PCDH15: variants seen among roughly 807,000 people sequenced by gnomAD.
The protein encoded by PCDH15 is protocadherin related 15.
Under a neutral mutation model 178.5 loss-of-function variants are expected in PCDH15, and 129 were observed. The observed-to-expected ratio is 0.72, with a 90% CI of 0.63 to 0.84. PCDH15 has a LOEUF of 0.84. Ranked by LOEUF, PCDH15 falls within the 40% of genes least tolerant of loss-of-function variation. PCDH15 has a pLI of 0.00. For synonymous variants in PCDH15, 800 were observed against 732.0 expected (o/e 1.09, Z -1.50); for missense variants, 2,230 against 2,099.9 (o/e 1.06, Z -1.21).
At chr10:53,932,839 G>A (rs1390431716) in intron 25 of PCDH15, among the ~76,000 whole-genome samples, 5 of 152,076 alleles carry the variant, frequency 3.3e-5, no homozygotes, top group Non-Finnish European at 5.9e-5. Context: ...TAATCCAATC[G>A]GGTGCTGCAG....
At chr10:55,561,009 AATAATTC>A (rs1209247634) in intron 2 of PCDH15, among the ~76,000 whole-genome samples, 1 of 151,902 alleles carries the variant, frequency 6.6e-6, no homozygotes, top group Non-Finnish European at 1.5e-5. Context: ...AAACAAATTC[AATAATTC>A]ATTTAAGATA....
chr10:54,149,028 T>C (rs1292648622), intron 14 of PCDH15, among the ~76,000 whole-genome samples: 1 of 151,978 alleles, frequency 6.6e-6, no homozygotes, highest in Non-Finnish European at 1.5e-5. Context: ...AATCAGTTTA[T>C]GCCCCAGTAA....
chr10:54,200,269 C>CTT (rs11377394), intron 10 of PCDH15, among the ~76,000 whole-genome samples: 7,818 of 105,970 alleles, frequency 0.074, 696 homozygotes, highest in Admixed American at 0.11. Flanking sequence ...ACAGAGCCCA[C>CTT]TTTTTTTTTT....
intron 2 of PCDH15, among the ~76,000 whole-genome samples, chr10:55,019,478 C>T (rs547617027): frequency 1.8e-4 from 27 of 151,368 alleles, no homozygotes; most frequent in African/African-American, 6.1e-4. Flanking sequence ...TTTTCAAGTT[C>T]GTTTTCATAG....
chr10:55,362,172 T>A (rs958635107), intron 2 of PCDH15, among the ~76,000 whole-genome samples: 1 of 152,060 alleles, frequency 6.6e-6, no homozygotes, highest in African/African-American at 2.4e-5. Flanking sequence ...GAGAAAAAAA[T>A]GTCTGAGATT....
At chr10:54,842,877 G>T (rs1953443015) in intron 3 of PCDH15, among the ~76,000 whole-genome samples, 1 of 151,848 alleles carries the variant, frequency 6.6e-6, no homozygotes, top group Non-Finnish European at 1.5e-5. Flanking sequence ...AGGGTAAATA[G>T]GTTTGCTGTT....
In PCDH15 at chr10:54,336,598, G is replaced by A. The variant is rs4454622; in HGVS notation, c.595-6892C>T. Among the ~76,000 whole-genome samples the A allele has an allele frequency of 8.0e-3, 1,216 of 152,312 alleles. 13 individuals carry two copies. The highest frequency in any genetic ancestry group is 0.026 in the African/African-American group (1,067 of 41,574). On this transcript the variant is annotated intron_variant, in intron 6 of 37. Transcript: ENST00000644397. Reference sequence around the variant, plus strand: ...CACATGGTGTGGAGCCTATGGGTCCGCAGAAGTCAAGAACTGAGGTTTGGG... The same window carrying A: ...CACATGGTGTGGAGCCTATGGGTCCACAGAAGTCAAGAACTGAGGTTTGGG...
chr10:54,571,333 G>GAAAAAAAAAAAAAA (rs60604711), intron 2 of PCDH15, among the ~76,000 whole-genome samples: 2 of 128,574 alleles, frequency 1.6e-5, no homozygotes, highest in East Asian at 2.3e-4. Context: ...GACAAAATTT[G>GAAAAAAAAAAAAAA]AAAAAAAAAA....
At chr10:55,413,353 CATATTTTAA>C (rs1281614576) in intron 2 of PCDH15, among the ~76,000 whole-genome samples, 2 of 147,672 alleles carry the variant, frequency 1.4e-5, no homozygotes, top group South Asian at 4.2e-4. Flanking sequence ...AAATATTTAG[CATATTTTAA>C]ATATTTTAAA....
chr10:55,325,930 A>G (rs1844018680), intron 2 of PCDH15, among the ~76,000 whole-genome samples: 1 of 152,180 alleles, frequency 6.6e-6, no homozygotes. Context: ...GGCCAAAGGC[A>G]TGAAGAGACA....
chr10:53,850,114 T>G (rs2078261511), intron 28 of PCDH15, among the ~76,000 whole-genome samples: 1 of 151,948 alleles, frequency 6.6e-6, no homozygotes, highest in African/African-American at 2.4e-5. Flanking sequence ...ACCTTTTAAC[T>G]CTCAAAAATA....
intron 9 of PCDH15, among the ~76,000 whole-genome samples, chr10:54,229,126 C>A (rs1026726379): frequency 1.1e-4 from 17 of 152,038 alleles, no homozygotes; most frequent in Non-Finnish European, 2.5e-4. Context: ...AAGTGAACAC[C>A]AACAGAGATG....
At chr10:54,787,013 A>G (rs1249805434) in intron 1 of PCDH15, among the ~76,000 whole-genome samples, 1 of 151,826 alleles carries the variant, frequency 6.6e-6, no homozygotes, top group East Asian at 1.9e-4. Context: ...TCTAACCTAG[A>G]AGATTATCCT....
intron 2 of PCDH15, among the ~76,000 whole-genome samples, chr10:55,565,250 A>G (rs1050645997): frequency 6.6e-6 from 1 of 151,754 alleles, no homozygotes; most frequent in Non-Finnish European, 1.5e-5. Context: ...TAAATTACCA[A>G]TTGATCAAAG....
intron 3 of PCDH15, among the ~76,000 whole-genome samples, chr10:54,418,117 C>T (rs1954723779): frequency 6.6e-6 from 1 of 152,090 alleles, no homozygotes; most frequent in Non-Finnish European, 1.5e-5. Flanking sequence ...TTTTCAAGAA[C>T]TGTTTAAGAT....
intron 29 of PCDH15, among the ~76,000 whole-genome samples, chr10:53,833,158 A>G (rs2077110012): frequency 6.6e-6 from 1 of 152,158 alleles, no homozygotes; most frequent in East Asian, 1.9e-4. Context: ...TATTATTAGA[A>G]CAAGGAAGAA....
intron 2 of PCDH15, among the ~76,000 whole-genome samples, chr10:55,025,945 CA>C (rs1433637805): frequency 2.0e-5 from 3 of 151,588 alleles, no homozygotes; most frequent in Non-Finnish European, 2.9e-5. Flanking sequence ...AGTCATTTCA[CA>C]ATACTTTGTT....
intron 1 of PCDH15, among the ~76,000 whole-genome samples, chr10:55,181,414 T>C (rs1214886833): frequency 6.6e-6 from 1 of 152,008 alleles, no homozygotes; most frequent in Non-Finnish European, 1.5e-5. Context: ...TAATGTTTCT[T>C]TCTATTGTGA....
intron 2 of PCDH15, among the ~76,000 whole-genome samples, chr10:55,445,497 T>C (rs1169014302): frequency 6.6e-6 from 1 of 152,118 alleles, no homozygotes; most frequent in Non-Finnish European, 1.5e-5. Flanking sequence ...TTAATAGTAG[T>C]AATTATATCT....
Sources: gnomAD v4.1 joint callset for allele counts (sites outside exome capture counted in the v4.1 genomes callset) on GRCh38, gnomAD v4.1.1 for gene constraint, MANE v1.5 for transcripts, NCBI Gene and HGNC (gene_info 2026-07-23, HGNC 2026-07-21) for gene names.